Variants in PARP8 observed in about 807,000 individuals in gnomAD.
PARP8 encodes poly(ADP-ribose) polymerase family member 8.
Under a neutral mutation model 124.1 loss-of-function variants are expected in PARP8, and 51 were observed. The ratio of observed to expected loss-of-function variants is 0.41; its 90% CI spans 0.33 to 0.52. The LOEUF (loss-of-function observed/expected upper bound fraction) is 0.52. Among genes scored for constraint, PARP8 ranks in the 20% least tolerant of loss-of-function variants. The probability of loss-of-function intolerance (pLI) is 0.21; values close to 1 mark genes in which losing one functional copy is unlikely to be tolerated. For synonymous variants in PARP8, 391 were observed against 361.5 expected, an observed-to-expected ratio of 1.08 and a Z score of -0.93; for missense variants, 860 against 1,018.9, an observed-to-expected ratio of 0.84 and a Z score of 2.12.
chr5:50,806,859 T>TA (rs1561408905), intron 14 of PARP8, among the ~76,000 whole-genome samples: 2 of 152,056 alleles, frequency 1.3e-5, no homozygotes. Context: ...TATAATTTCT[T>TA]ATGGGATATT....
chr5:50,747,406 G>A (rs1178225568), intron 2 of PARP8, among the ~76,000 whole-genome samples: 2 of 151,706 alleles, frequency 1.3e-5, no homozygotes, highest in Non-Finnish European at 2.9e-5. Flanking sequence ...TGCAGTTGTA[G>A]TGTTCTATGA....
intron 12 of PARP8, among the ~76,000 whole-genome samples, chr5:50,796,708 C>G (rs1025515100): frequency 1.2e-4 from 18 of 152,142 alleles, no homozygotes; most frequent in African/African-American, 4.3e-4. Context: ...TTTTTGTGAT[C>G]ATGTAAAGAT....
rs182293314 is a variant in PARP8, at chr5:50,772,674, T to A, written c.519-5395T>A. On this transcript the variant is annotated intron_variant, in intron 7 of 25. Transcript: ENST00000281631. ...TTTTGAGAAATGCACATTCGGGTCT[T>A]TTGCCTTTTATTTTTATTTTTATTT... 3.2e-4 allele frequency among the ~76,000 whole-genome samples: 49 copies of A among 152,174 alleles called. 1 individual carries two copies. In the East Asian group the frequency reaches 7.0e-3, roughly 22 times the overall value.
intron 14 of PARP8, among the ~76,000 whole-genome samples, chr5:50,808,679 C>T (rs1444344260): frequency 2.0e-5 from 3 of 152,042 alleles, no homozygotes; most frequent in African/African-American, 7.2e-5. Context: ...AAAAGGAAAG[C>T]AGTATGGCCT....
At chr5:50,816,436 T>C (rs1745113278) in intron 15 of PARP8, among the ~76,000 whole-genome samples, 1 of 152,134 alleles carries the variant, frequency 6.6e-6, no homozygotes, top group Non-Finnish European at 1.5e-5. Context: ...CATGCACAAC[T>C]TGAGGCAGTG....
chr5:50,749,275 C>G (rs1758958437), intron 2 of PARP8, among the ~76,000 whole-genome samples: 1 of 152,108 alleles, frequency 6.6e-6, no homozygotes, highest in Admixed American at 6.5e-5. Context: ...AGATAATTGG[C>G]TGAACACAAA....
intron 2 of PARP8, among the ~76,000 whole-genome samples, chr5:50,721,833 A>G (rs1380720220): frequency 6.6e-6 from 1 of 152,124 alleles, no homozygotes; most frequent in South Asian, 2.1e-4. Flanking sequence ...TGTACGCAAA[A>G]CTTAATGATT....
rs775171123 is a variant in PARP8 at position 50,846,296 on chromosome 5, G to A, written c.*4228G>A. The A allele has an allele frequency of 2.0e-5, 3 of 151,654 alleles. No individual in the cohort carries two copies. Among genetic ancestry groups the A allele is most frequent in the Non-Finnish European group, 4.4e-5 (3 of 67,746 alleles). 9.4% of individuals were successfully genotyped at this position (151,654 alleles called of 1,614,324 possible). ...TGTGCACAGGATAGTATTGCAACCT[G>A]CTATTTAGCCTTTGGTGCCTTAGAA... is the stretch of plus-strand genomic sequence containing the variant. On this transcript the variant is annotated 3_prime_UTR_variant, in exon 26 of 26. Coordinates refer to ENST00000281631, the MANE Select transcript of PARP8 (RefSeq NM_024615.4).
chr5:50,773,350 G>C (rs774972658), intron 7 of PARP8, among the ~76,000 whole-genome samples: 6 of 152,138 alleles, frequency 3.9e-5, no homozygotes, highest in Non-Finnish European at 8.8e-5. Context: ...GTTGATTTTT[G>C]TATATGAAGA....
chr5:50,839,004 T>C (rs1747883754), intron 25 of PARP8, among the ~76,000 whole-genome samples: 1 of 152,054 alleles, frequency 6.6e-6, no homozygotes, highest in African/African-American at 2.4e-5. Context: ...TTTTTTTTAA[T>C]TTGTAGAGAT....
chr5:50,669,041 C>T (rs1467416538), intron 2 of PARP8: 11 of 152,186 alleles, frequency 7.2e-5, no homozygotes, highest in Non-Finnish European at 2.9e-5. Context: ...TGTGTACATA[C>T]ATTTTTAAAA....
intron 7 of PARP8, among the ~76,000 whole-genome samples, chr5:50,773,262 A>G (rs1300125360): frequency 6.6e-6 from 1 of 152,222 alleles, no homozygotes; most frequent in Admixed American, 6.5e-5. Flanking sequence ...GACAAATGCC[A>G]TGAAGCATTT....
chr5:50,709,642 G>A (rs1287349030), intron 2 of PARP8, among the ~76,000 whole-genome samples: 3 of 151,928 alleles, frequency 2.0e-5, no homozygotes, highest in East Asian at 1.9e-4. Context: ...AAATTCTTGA[G>A]TGCAGTAGCC....
chr5:50,675,302 T>C (rs186704710), intron 2 of PARP8, among the ~76,000 whole-genome samples: 10 of 152,328 alleles, frequency 6.6e-5, no homozygotes, highest in Admixed American at 1.3e-4. Context: ...ATCATTGTTT[T>C]ATTGTTTATT....
intron 2 of PARP8, among the ~76,000 whole-genome samples, chr5:50,683,275 A>G (rs1258413549): frequency 6.6e-6 from 1 of 152,158 alleles, no homozygotes; most frequent in Non-Finnish European, 1.5e-5. Flanking sequence ...ATGTAAATAC[A>G]TTTTCCCTTT....
chr5:50,840,645 AATC>A (rs1305004371), intron 25 of PARP8, among the ~76,000 whole-genome samples: 1 of 151,838 alleles, frequency 6.6e-6, no homozygotes, highest in Non-Finnish European at 1.5e-5. Flanking sequence ...ACGGGGCTGA[AATC>A]ATTGATTTTG....
Position 50,843,333 on chromosome 5 carries a change from T to G in PARP8, c.*1265T>G, listed in dbSNP as rs2149738113. On this transcript the variant is annotated 3_prime_UTR_variant, in exon 26 of 26. Transcript: ENST00000281631. ...TTAATTAGTGAGTCTGCCACTCTAT[T>G]CAAACCCTGAATCAAGGCTCTATCT... 6.6e-6 allele frequency: 1 copy of G among 151,712 alleles called. No homozygotes were observed. The highest frequency in any genetic ancestry group is 1.9e-4 in the East Asian group (1 of 5,170). 9.4% of individuals were successfully genotyped at this position (151,712 alleles called of 1,614,324 possible). A position where few individuals can be genotyped will look rare whatever the true frequency, so the allele number is the denominator to read the frequency against.
chr5:50,729,758 C>G (rs1756792775), intron 2 of PARP8, among the ~76,000 whole-genome samples: 1 of 152,198 alleles, frequency 6.6e-6, no homozygotes, highest in Admixed American at 6.5e-5. Flanking sequence ...TGGACTCCTT[C>G]TTGACACTGA....
intron 2 of PARP8, among the ~76,000 whole-genome samples, chr5:50,745,707 T>C (rs1461952209): frequency 6.6e-6 from 1 of 152,206 alleles, no homozygotes; most frequent in Non-Finnish European, 1.5e-5. Flanking sequence ...TGGTAGGCTG[T>C]TGGGAATTAA....
Sources: gnomAD v4.1 joint callset for allele counts (sites outside exome capture counted in the v4.1 genomes callset) on GRCh38, gnomAD v4.1.1 for gene constraint, MANE v1.5 for transcripts, NCBI Gene and HGNC (gene_info 2026-07-23, HGNC 2026-07-21) for gene names.